Variants in SNTG1 observed in about 807,000 individuals in gnomAD.
SNTG1 encodes the protein gamma-1-syntrophin.
Under a neutral mutation model 74.7 loss-of-function variants are expected in SNTG1, and 39 were observed. That is an observed-to-expected ratio of 0.52 (90% CI 0.40 to 0.68). The LOEUF is 0.68. Ranked by LOEUF, SNTG1 falls within the 30% of genes least tolerant of loss-of-function variation. The pLI is 0.00. For missense variants in SNTG1, 685 were observed against 609.5 expected, an observed-to-expected ratio of 1.12 and a Z score of -1.30; for synonymous variants, 254 against 217.1, an observed-to-expected ratio of 1.17 and a Z score of -1.49.
chr8:50,047,823 C>T (rs548436585), intron 1 of SNTG1, among the ~76,000 whole-genome samples: 48 of 152,158 alleles, frequency 3.2e-4, no homozygotes, highest in Admixed American at 2.4e-3. Context: ...GATGAAGATG[C>T]GCCAAAGAAT....
chr8:50,305,348 G>A (rs1177449580), intron 2 of SNTG1, among the ~76,000 whole-genome samples: 1 of 151,934 alleles, frequency 6.6e-6, no homozygotes, highest in East Asian at 1.9e-4. Context: ...TGATAAAACA[G>A]TTTTTTTAAT....
intron 18 of SNTG1, among the ~76,000 whole-genome samples, chr8:50,787,582 A>T (rs139319512): frequency 1.9e-3 from 286 of 152,134 alleles, no homozygotes; most frequent in African/African-American, 6.5e-3. Context: ...TTCACAAAAA[A>T]TCAAAAGTAG....
At chr8:50,621,690 G>A (rs1422505563) in intron 13 of SNTG1, among the ~76,000 whole-genome samples, 1 of 152,056 alleles carries the variant, frequency 6.6e-6, no homozygotes, top group Middle Eastern at 3.2e-3. Flanking sequence ...GCATTATCCT[G>A]ACAAGTCTAT....
At chr8:50,418,878 T>TA (rs1447244084) in intron 4 of SNTG1, among the ~76,000 whole-genome samples, 2 of 152,142 alleles carry the variant, frequency 1.3e-5, no homozygotes, top group Admixed American at 6.6e-5. Context: ...CCAATCAGTT[T>TA]AAAAAATCAT....
chr8:50,270,651 G>C (rs992102136), intron 2 of SNTG1, among the ~76,000 whole-genome samples: 2 of 152,150 alleles, frequency 1.3e-5, no homozygotes, highest in African/African-American at 4.8e-5. Context: ...CTCCTATTCA[G>C]GTCTCTGTTG....
At chr8:49,956,143 G>T (rs1244916999) in intron 1 of SNTG1, among the ~76,000 whole-genome samples, 3 of 152,136 alleles carry the variant, frequency 2.0e-5, no homozygotes, top group Non-Finnish European at 4.4e-5. Context: ...TCTGATCTGG[G>T]TTACTTTCAT....
intron 13 of SNTG1, among the ~76,000 whole-genome samples, chr8:50,655,507 G>C (rs1183976943): frequency 6.6e-6 from 1 of 152,112 alleles, no homozygotes; most frequent in Admixed American, 6.6e-5. Flanking sequence ...AAGGCATCTT[G>C]GTTCAAATTC....
At chr8:50,743,392 G>C (rs911791591) in intron 17 of SNTG1, among the ~76,000 whole-genome samples, 1 of 151,622 alleles carries the variant, frequency 6.6e-6, no homozygotes, top group Admixed American at 6.6e-5. Context: ...ATAGAATGAA[G>C]TTTAAATAAA....
chr8:50,713,786 G>A (rs2095468365), intron 17 of SNTG1, among the ~76,000 whole-genome samples: 1 of 152,098 alleles, frequency 6.6e-6, no homozygotes, highest in Non-Finnish European at 1.5e-5. Flanking sequence ...CTGGCTGGGT[G>A]TGGTGGCTCA....
At chr8:50,067,124 C>T (rs1820965628) in intron 1 of SNTG1, among the ~76,000 whole-genome samples, 1 of 152,136 alleles carries the variant, frequency 6.6e-6, no homozygotes, top group Admixed American at 6.5e-5. Context: ...TGAAAGACAT[C>T]AAAGGTCTAT....
At chr8:50,638,680 A>C (rs1195791043) in intron 13 of SNTG1, among the ~76,000 whole-genome samples, 1 of 152,100 alleles carries the variant, frequency 6.6e-6, no homozygotes, top group African/African-American at 2.4e-5. Context: ...GATTCTGTGA[A>C]TACATCCCTC....
rs549473869 is a variant in SNTG1 at position 50,444,232 on chromosome 8, G to A, written c.220-5436G>A. On this transcript the variant is annotated intron_variant, in intron 5 of 18. Coordinates refer to ENST00000642720, the MANE Select transcript of SNTG1 (RefSeq NM_018967.5). The stretch of plus-strand genomic sequence containing the variant: ...TAAGATAAAGGGTTGAGTACTAGTC[G>A]TTTCAAATTTTCCAAATAAAATATA... Among the ~76,000 whole-genome samples the A allele has an allele frequency of 1.8e-4, 27 of 152,194 alleles. No homozygotes were observed. In the South Asian group the frequency reaches 3.5e-3, roughly 20 times the overall value.
chr8:50,663,914 C>T (rs961980212), intron 15 of SNTG1, among the ~76,000 whole-genome samples: 2 of 152,114 alleles, frequency 1.3e-5, no homozygotes, highest in Non-Finnish European at 2.9e-5. Flanking sequence ...CTAAGCCTCC[C>T]ATTGGGTAAC....
At chr8:50,731,227 C>G (rs1047212524) in intron 17 of SNTG1, among the ~76,000 whole-genome samples, 1 of 152,032 alleles carries the variant, frequency 6.6e-6, no homozygotes, top group African/African-American at 2.4e-5. Flanking sequence ...GGAGTTCAGG[C>G]CAGTGCCTGG....
chr8:50,285,972 T>C (rs968749408), intron 2 of SNTG1, among the ~76,000 whole-genome samples: 2 of 152,194 alleles, frequency 1.3e-5, no homozygotes, highest in African/African-American at 4.8e-5. Context: ...ATTTCAATAT[T>C]ATGTTTTCAC....
intron 14 of SNTG1, among the ~76,000 whole-genome samples, chr8:50,657,415 G>C (rs557288775): frequency 6.6e-6 from 1 of 152,182 alleles, no homozygotes; most frequent in African/African-American, 2.4e-5. Context: ...AGAATAAACT[G>C]TTTTAGGGCT....
intron 8 of SNTG1, among the ~76,000 whole-genome samples, chr8:50,497,181 A>G (rs970113130): frequency 2.6e-5 from 4 of 151,974 alleles, no homozygotes; most frequent in African/African-American, 9.7e-5. Context: ...CTTATACTTG[A>G]AAAAAACTTT....
At chr8:50,323,079 G>A (rs2090594265) in intron 2 of SNTG1, among the ~76,000 whole-genome samples, 1 of 144,972 alleles carries the variant, frequency 6.9e-6, no homozygotes, top group African/African-American at 2.5e-5. Context: ...CTGCACTCCA[G>A]CCTGGGCAAC....
At chr8:50,590,830 G>A (rs565071007) in intron 12 of SNTG1, 49 bp from the exon 13 acceptor site, 2 of 1,266,354 alleles carry the variant, frequency 1.6e-6, no homozygotes, top group Non-Finnish European at 2.2e-6. Context: ...GGGACCTTGT[G>A]TTACCATCTA....
Sources: gnomAD v4.1 joint callset for allele counts (sites outside exome capture counted in the v4.1 genomes callset) on GRCh38, gnomAD v4.1.1 for gene constraint, MANE v1.5 for transcripts, NCBI Gene and HGNC (gene_info 2026-07-23, HGNC 2026-07-21) for gene names.